LARP4B: variants seen among roughly 807,000 people sequenced by gnomAD.
The protein encoded by LARP4B is La ribonucleoprotein 4B.
In LARP4B, 12 loss-of-function variants were observed where a neutral mutation model predicts 89.8. That is an observed-to-expected ratio of 0.13 (90% CI 0.09 to 0.22). LARP4B has a LOEUF of 0.22. Ranked by LOEUF, LARP4B falls within the 10% of genes least tolerant of loss-of-function variation. LARP4B has a pLI of 1.00. For synonymous variants in LARP4B, 367 were observed against 363.3 expected, an observed-to-expected ratio of 1.01 and a Z score of -0.12; for missense variants, 757 against 947.7, an observed-to-expected ratio of 0.80 and a Z score of 2.64.
intron 5 of LARP4B, among the ~76,000 whole-genome samples, chr10:857,682 G>A (rs1343109628): frequency 1.3e-5 from 2 of 152,142 alleles, no homozygotes; most frequent in African/African-American, 4.8e-5. Context: ...AGGGGCTTTT[G>A]TCATCTCAAC....
At chr10:922,908 A>G (rs1237426503) in intron 1 of LARP4B, among the ~76,000 whole-genome samples, 1 of 152,076 alleles carries the variant, frequency 6.6e-6, no homozygotes, top group African/African-American at 2.4e-5. Context: ...CCCCGTCTCT[A>G]CTAAAAATAC....
intron 3 of LARP4B, among the ~76,000 whole-genome samples, chr10:876,966 T>C (rs528866900): frequency 1.3e-5 from 2 of 152,298 alleles, no homozygotes; most frequent in East Asian, 3.9e-4. Context: ...TTGTACCTTC[T>C]GGAGCCGCAG....
chr10:914,244 T>C (rs1836755182), intron 1 of LARP4B, among the ~76,000 whole-genome samples: 1 of 152,166 alleles, frequency 6.6e-6, no homozygotes, highest in South Asian at 2.1e-4. Flanking sequence ...TTAATATACG[T>C]AATTAAAACT....
chr10:976,247 C>T, the LARP4B span, among the ~76,000 whole-genome samples: 20 of 143,838 alleles, frequency 1.4e-4, no homozygotes, highest in African/African-American at 4.2e-4. Flanking sequence ...CGTGTGGACC[C>T]GGCCTAGTAG....
At chr10:927,037 C>G (rs973730966) in intron 1 of LARP4B, among the ~76,000 whole-genome samples, 3 of 141,100 alleles carry the variant, frequency 2.1e-5, no homozygotes, top group African/African-American at 7.8e-5. Context: ...GAGACTCGGT[C>G]TCAAAAAAAA....
At position 812,280 on chromosome 10, in the gene LARP4B, A is replaced by G. The variant is rs1831770870; in HGVS notation, c.*646T>C. 1 of 152,704 alleles carries G rather than the reference A, an allele frequency of 6.5e-6. No individual in the cohort carries two copies. Among genetic ancestry groups the G allele is most frequent in the Non-Finnish European group, 1.5e-5 (1 of 68,050 alleles). The allele number at this position is 152,704 out of a possible 1,614,324, so 9.5% of individuals were successfully genotyped here. A position where few individuals can be genotyped will look rare whatever the true frequency, so the allele number is the denominator to read the frequency against. ...AGTGAGAAGCTGGTTACTTGCTTGC[A>G]GTGCATCAGAACCAAGGTTTCTGGG... On this transcript the variant is annotated 3_prime_UTR_variant, in exon 18 of 18. Coordinates refer to ENST00000316157, the MANE Select transcript of LARP4B (RefSeq NM_015155.3).
In LARP4B at chr10:887,308, G is replaced by A. The variant is rs560014480; in HGVS notation, c.-39-1548C>T. 4.6e-5 allele frequency among the ~76,000 whole-genome samples: 7 copies of A among 151,874 alleles called. No individual in the cohort carries two copies. The South Asian group carries it at 1.5e-3, about 32-fold the overall frequency. Reference sequence around the variant, plus strand: ...AGGTGCTCTTACTAACACAAAAGAAGGGTAAAACTATATGAAATGATGGCT... The same window carrying A: ...AGGTGCTCTTACTAACACAAAAGAAAGGTAAAACTATATGAAATGATGGCT... On this transcript the variant is annotated intron_variant, in intron 1 of 17. Transcript: ENST00000316157.
chr10:867,977 C>G (rs925212832), intron 3 of LARP4B, among the ~76,000 whole-genome samples: 1 of 151,612 alleles, frequency 6.6e-6, no homozygotes, highest in South Asian at 2.1e-4. Context: ...GCAAGCTGAC[C>G]TTAACAGCCA....
chr10:871,450 C>G (rs1302252996), intron 3 of LARP4B, among the ~76,000 whole-genome samples: 1 of 152,068 alleles, frequency 6.6e-6, no homozygotes, highest in Admixed American at 6.5e-5. Context: ...GTGTTGCAGC[C>G]TCATCTGCTT....
chr10:885,491 A>C (rs897432122), intron 2 of LARP4B, 150 bp downstream of exon 2: 1 of 504,402 alleles, frequency 2.0e-6, no homozygotes, highest in African/African-American at 1.9e-5. Flanking sequence ...ATGGGTAAGA[A>C]ATCTTTTCTC....
chr10:878,170 A>C (rs550072529), intron 3 of LARP4B, among the ~76,000 whole-genome samples: 1 of 152,212 alleles, frequency 6.6e-6, no homozygotes, highest in Non-Finnish European at 1.5e-5. Flanking sequence ...CAGCAGAGTC[A>C]GAGAGGACAG....
chr10:925,232 G>C lies in LARP4B; in HGVS notation c.-40+6196C>G, dbSNP rs374315521. The stretch of plus-strand genomic sequence containing the variant: ...CACTTTCCTATTCCTGCTGGATGAC[G>C]GGCCTTACAGAAAAATCCTGTTGCC... On this transcript the variant is annotated intron_variant, in intron 1 of 17. Transcript: ENST00000316157. 1.2e-3 allele frequency among the ~76,000 whole-genome samples: 182 copies of C among 152,180 alleles called. 2 individuals carry two copies. In the South Asian group the frequency reaches 0.035, roughly 29 times the overall value.
chr10:951,678 G>A, the LARP4B span, among the ~76,000 whole-genome samples: 6 of 152,226 alleles, frequency 3.9e-5, no homozygotes, highest in African/African-American at 1.4e-4. Context: ...ACGAGAAGAG[G>A]CTGCCACTAG....
At chr10:893,858 G>C (rs1836111854) in intron 1 of LARP4B, among the ~76,000 whole-genome samples, 1 of 152,104 alleles carries the variant, frequency 6.6e-6, no homozygotes, top group Non-Finnish European at 1.5e-5. Flanking sequence ...AATCATGAGA[G>C]CTACCACCAC....
chr10:814,486 A>G lies in LARP4B; in HGVS notation c.1929+256T>C, dbSNP rs1831915456. 5 of 618,412 alleles carry G rather than the reference A, an allele frequency of 8.1e-6. No individual in the cohort carries two copies. The highest frequency in any genetic ancestry group is 1.4e-5 in the Non-Finnish European group (5 of 363,770). The allele number at this position is 618,412 out of a possible 1,614,324, so 38.3% of individuals were successfully genotyped here. A position where few individuals can be genotyped will look rare whatever the true frequency, so the allele number is the denominator to read the frequency against. On this transcript the variant is annotated intron_variant, in intron 17 of 17. Transcript: ENST00000316157. The surrounding 1 kb of genome is among the most constrained non-coding windows in gnomAD (Gnocchi z 4.4). Reference sequence around the variant, plus strand: ...AAACAGGAGCTGGGGTCTTGTTACTACTCAAGAAACCTCTATTGACCAACA... The same window carrying G: ...AAACAGGAGCTGGGGTCTTGTTACTGCTCAAGAAACCTCTATTGACCAACA...
chr10:837,278 A>G (rs1375706256), intron 7 of LARP4B, among the ~76,000 whole-genome samples: 4 of 152,244 alleles, frequency 2.6e-5, no homozygotes, highest in African/African-American at 9.6e-5. Context: ...AAAGATCATC[A>G]AAGACTCATA....
intron 3 of LARP4B, among the ~76,000 whole-genome samples, chr10:872,629 G>A (rs1835275361): frequency 6.6e-6 from 1 of 152,216 alleles, no homozygotes; most frequent in African/African-American, 2.4e-5. Context: ...CTACTAAAGA[G>A]TTTTTACAAG....
At chr10:823,757 T>G (rs1832476501) in intron 13 of LARP4B, among the ~76,000 whole-genome samples, 2 of 151,952 alleles carry the variant, frequency 1.3e-5, no homozygotes, top group South Asian at 2.1e-4. Context: ...AACCCCAAAC[T>G]GAGACCCAGG....
intron 5 of LARP4B, among the ~76,000 whole-genome samples, chr10:856,369 T>C (rs1023853865): frequency 2.6e-5 from 4 of 152,236 alleles, no homozygotes; most frequent in Admixed American, 1.3e-4. Context: ...AGGTTCTGCA[T>C]GTGAGAAGCC....
Sources: gnomAD v4.1 joint callset for allele counts (sites outside exome capture counted in the v4.1 genomes callset) on GRCh38, gnomAD v4.1.1 for gene constraint, Gnocchi (gnomAD v3.1) non-coding constraint, MANE v1.5 for transcripts, NCBI Gene and HGNC (gene_info 2026-07-23, HGNC 2026-07-21) for gene names.